Variants in NME9 observed in about 807,000 individuals in gnomAD.
NME9 encodes NME/NM23 family member 9, also known as thioredoxin domain-containing protein 6.
A neutral mutation model predicts 44.4 loss-of-function variants in NME9; 48 were observed. The ratio of observed to expected loss-of-function variants is 1.08; its 90% CI spans 0.86 to 1.37. The LOEUF (loss-of-function observed/expected upper bound fraction) is 1.37, where lower values mean the gene tolerates loss of function less well. NME9 is among the 40% of genes most tolerant of loss of function. The probability of loss-of-function intolerance (pLI) is 0.00; values close to 1 mark genes in which losing one functional copy is unlikely to be tolerated. For missense variants in NME9, 325 were observed against 405.2 expected, an observed-to-expected ratio of 0.80 and a Z score of 1.70; for synonymous variants, 139 against 147.1, an observed-to-expected ratio of 0.94 and a Z score of 0.40.
At chr3:138,307,129 C>T (rs1250260328) in intron 6 of NME9, among the ~76,000 whole-genome samples, 1 of 152,232 alleles carries the variant, frequency 6.6e-6, no homozygotes, top group Non-Finnish European at 1.5e-5. Flanking sequence ...TGTCTCCGTT[C>T]AAGTTCTCCT....
chr3:138,267,044 G>C (rs1276648856), intron 8 of NME9: 3 of 626,200 alleles, frequency 4.8e-6, no homozygotes, highest in East Asian at 5.9e-5. Flanking sequence ...CCAATACGAA[G>C]AATCAGGTTG....
downstream of NME9, chr3:138,297,114 G>A (rs2051556860): frequency 6.6e-6 from 1 of 152,318 alleles, no homozygotes; most frequent in South Asian, 2.1e-4. Context: ...CTGCTAGTTG[G>A]TATGCTTTTG....
chr3:138,277,346 C>T (rs1036236894), intron 8 of NME9, among the ~76,000 whole-genome samples: 7 of 152,104 alleles, frequency 4.6e-5, no homozygotes, highest in South Asian at 2.1e-4. Context: ...TTAGATTAGG[C>T]GAAGAGTTCT....
At chr3:138,303,382 C>T (rs2051980523) in intron 10 of NME9, 125 bp downstream of exon 10, 2 of 654,272 alleles carry the variant, frequency 3.1e-6, no homozygotes, top group South Asian at 2.1e-5. Flanking sequence ...ATTTTCAGAA[C>T]AGGACTGTAT....
chr3:138,283,842 A>G (rs1450953857), intron 8 of NME9, among the ~76,000 whole-genome samples: 3 of 152,200 alleles, frequency 2.0e-5, no homozygotes, highest in Non-Finnish European at 4.4e-5. Flanking sequence ...AAGTTGCTTC[A>G]TACATTTTAC....
chr3:138,286,493 G>GT (rs2050427872), intron 8 of NME9, among the ~76,000 whole-genome samples: 1 of 152,008 alleles, frequency 6.6e-6, no homozygotes, highest in African/African-American at 2.4e-5. Context: ...CTTGGCTTGC[G>GT]TGACACCATA....
rs771935392 is a variant in NME9, at chr3:138,264,261, G to C, written c.746-1675C>G. The stretch of plus-strand genomic sequence containing the variant: ...AACAGCTGTACTCACAGACCCTAGA[G>C]TGAGCTGAGCTAGCTAACACTACTC... On this transcript the variant is annotated intron_variant, in intron 8 of 8. Transcript: ENST00000317876. 4 of 1,476,488 alleles carry C rather than the reference G, an allele frequency of 2.7e-6. No homozygotes were observed. In the South Asian group the frequency reaches 4.6e-5, roughly 17 times the overall value. The allele number at this position is 1,476,488 out of a possible 1,614,324, so 91.5% of individuals were successfully genotyped here.
intron 8 of NME9, among the ~76,000 whole-genome samples, chr3:138,275,313 T>C (rs2049173593): frequency 6.6e-6 from 1 of 152,136 alleles, no homozygotes; most frequent in South Asian, 2.1e-4. Context: ...ATCCCAGCAC[T>C]TTGGGAGGCC....
At chr3:138,308,813 G>A (rs983630072) in intron 6 of NME9, among the ~76,000 whole-genome samples, 6 of 152,094 alleles carry the variant, frequency 3.9e-5, no homozygotes, top group Non-Finnish European at 8.8e-5. Context: ...TATGTTTGAA[G>A]TCAAGTGACT....
intron 8 of NME9, among the ~76,000 whole-genome samples, chr3:138,293,822 A>G (rs2051215225): frequency 6.6e-6 from 1 of 152,194 alleles, no homozygotes; most frequent in South Asian, 2.1e-4. Flanking sequence ...ATGACATAGG[A>G]TGGTAGGATA....
In NME9 at chr3:138,289,021, T is replaced by G. The variant is rs1232828785; in HGVS notation, c.745+14486A>C. 5 of 1,565,304 alleles carry G rather than the reference T, an allele frequency of 3.2e-6. No homozygotes were observed. The Admixed American group carries it at 7.0e-5, about 22-fold the overall frequency. On this transcript the variant is annotated intron_variant, in intron 8 of 8. Coordinates refer to the NME9 transcript ENST00000317876. ...TAAAATGAGATTACCACCATTTTGA[T>G]TTTTTTTTCTTTTTCTGTATTAATA...
chr3:138,320,440 T>G (rs892887169), intron 2 of NME9, among the ~76,000 whole-genome samples: 2 of 152,264 alleles, frequency 1.3e-5, no homozygotes, highest in African/African-American at 2.4e-5. Context: ...CAGAGTAGTA[T>G]AGTCACAGGG....
intron 8 of NME9, chr3:138,290,629 C>T: frequency 1.3e-6 from 2 of 1,599,032 alleles, no homozygotes; most frequent in South Asian, 1.1e-5. Context: ...AGATTCAAAC[C>T]TTTGTGACAA....
intron 8 of NME9, among the ~76,000 whole-genome samples, chr3:138,268,555 T>G (rs1433839281): frequency 6.6e-6 from 1 of 152,172 alleles, no homozygotes; most frequent in Admixed American, 6.5e-5. Flanking sequence ...CTAATACGAT[T>G]TTTTTATATT....
At position 138,301,349 on chromosome 3, in the gene NME9, G is replaced by A; in HGVS notation, c.*291C>T. The A allele has an allele frequency of 2.4e-6, 1 of 420,184 alleles. No individual in the cohort carries two copies. Among genetic ancestry groups the A allele is most frequent in the Middle Eastern group, 8.8e-4 (1 of 1,140 alleles). The allele number at this position is 420,184 out of a possible 1,614,324, so 26.0% of individuals were successfully genotyped here. A position where few individuals can be genotyped will look rare whatever the true frequency, so the allele number is the denominator to read the frequency against. On this transcript the variant is annotated 3_prime_UTR_variant, in exon 11 of 11. Coordinates refer to ENST00000333911, the MANE Select transcript of NME9 (RefSeq NM_001349018.2). The stretch of plus-strand genomic sequence containing the variant: ...CCACCCGAGTAGCTGGATGACAGGT[G>A]CACACCACCACGCCCGGCTAATTTT...
intron 1 of NME9, among the ~76,000 whole-genome samples, chr3:138,328,467 A>G (rs557193988): frequency 1.3e-5 from 2 of 152,178 alleles, no homozygotes; most frequent in South Asian, 4.2e-4. Context: ...GCTGAGGACA[A>G]TAAGAGAGAA....
intron 8 of NME9, chr3:138,290,450 G>A: frequency 1.1e-6 from 1 of 888,624 alleles, no homozygotes; most frequent in Non-Finnish European, 1.8e-6. Flanking sequence ...GGAGTAGGGA[G>A]TGAAGGACAC....
intron 8 of NME9, among the ~76,000 whole-genome samples, chr3:138,276,584 C>T (rs2049316783): frequency 6.6e-6 from 1 of 152,100 alleles, no homozygotes; most frequent in Non-Finnish European, 1.5e-5. Flanking sequence ...ATGAGTTAAG[C>T]AAGGTCACAA....
intron 8 of NME9, chr3:138,267,191 G>C: frequency 6.3e-7 from 1 of 1,581,354 alleles, no homozygotes; most frequent in Non-Finnish European, 8.6e-7. Flanking sequence ...CCTAGTGGTA[G>C]CATCTTCCAT....
Sources: allele counts gnomAD v4.1 joint callset (sites outside exome capture counted in the v4.1 genomes callset), GRCh38; gene constraint gnomAD v4.1.1; transcripts MANE v1.5; gene names NCBI Gene and HGNC (gene_info 2026-07-23, HGNC 2026-07-21).